DPP10: variants seen among roughly 807,000 people sequenced by gnomAD.
DPP10 encodes inactive dipeptidyl peptidase 10.
DPP10 carries 33 observed loss-of-function variants against 120.9 expected under a neutral mutation model. That is an observed-to-expected ratio of 0.27 (90% CI 0.21 to 0.37). The LOEUF is 0.37. DPP10 is among the 10% of genes least tolerant of loss of function. The probability of loss-of-function intolerance (pLI) is 1.00; values close to 1 mark genes in which losing one functional copy is unlikely to be tolerated. For synonymous variants in DPP10, 337 were observed against 326.1 expected, an observed-to-expected ratio of 1.03 and a Z score of -0.36; for missense variants, 816 against 942.8, an observed-to-expected ratio of 0.87 and a Z score of 1.76.
At chr2:115,573,504 G>A (rs1303597871) in intron 5 of DPP10, among the ~76,000 whole-genome samples, 5 of 150,908 alleles carry the variant, frequency 3.3e-5, no homozygotes, top group East Asian at 3.9e-4. Flanking sequence ...GGTTGGTCTC[G>A]ATCTCCTGAC....
chr2:114,722,749 C>A (rs764543451), intron 1 of DPP10, among the ~76,000 whole-genome samples: 3 of 132,808 alleles, frequency 2.3e-5, no homozygotes, highest in African/African-American at 8.7e-5. Context: ...GCACTCCAGC[C>A]TGGGAGACAG....
At chr2:115,621,699 G>A (rs1247773028) in intron 5 of DPP10, among the ~76,000 whole-genome samples, 1 of 152,236 alleles carries the variant, frequency 6.6e-6, no homozygotes. Flanking sequence ...GTTTGTTTGA[G>A]AGGGAGTTTC....
chr2:115,536,269 A>G (rs940935215), intron 5 of DPP10, among the ~76,000 whole-genome samples: 3 of 152,144 alleles, frequency 2.0e-5, no homozygotes, highest in East Asian at 3.9e-4. Context: ...TAAAAATAGT[A>G]TAACACAGTT....
At chr2:115,435,030 A>C (rs1364292491) in intron 3 of DPP10, among the ~76,000 whole-genome samples, 1 of 135,706 alleles carries the variant, frequency 7.4e-6, no homozygotes, top group Admixed American at 8.1e-5. Flanking sequence ...TGGCTGACTA[A>C]TATTTCTATA....
At chr2:114,517,411 T>TC (rs1684683122) in intron 1 of DPP10, among the ~76,000 whole-genome samples, 1 of 151,762 alleles carries the variant, frequency 6.6e-6, no homozygotes, top group South Asian at 2.1e-4. Flanking sequence ...TCCCAGCTAC[T>TC]CGGGAGGCTG....
chr2:115,244,235 TATATAGAGAG>T (rs1243867293), intron 1 of DPP10, among the ~76,000 whole-genome samples: 2,992 of 53,822 alleles, frequency 0.056, 44 homozygotes, highest in Middle Eastern at 0.16. Flanking sequence ...TATATATATA[TATATAGAGAG>T]AGAGAGAGAG....
At chr2:114,607,012 T>A (rs1372542768) in intron 1 of DPP10, among the ~76,000 whole-genome samples, 1 of 152,172 alleles carries the variant, frequency 6.6e-6, no homozygotes, top group Non-Finnish European at 1.5e-5. Context: ...ACTGACAGGA[T>A]GATGGAGACA....
intron 1 of DPP10, among the ~76,000 whole-genome samples, chr2:114,750,454 C>T (rs975780158): frequency 2.6e-5 from 4 of 152,094 alleles, no homozygotes; most frequent in Non-Finnish European, 5.9e-5. Context: ...CTGCCTCAGC[C>T]TCCCGAGTAG....
intron 1 of DPP10, among the ~76,000 whole-genome samples, chr2:114,958,107 G>A (rs558592535): frequency 6.6e-6 from 1 of 152,050 alleles, no homozygotes; most frequent in Non-Finnish European, 1.5e-5. Context: ...GTGCCTCATG[G>A]TCAGAACAAA....
At chr2:114,793,004 G>GTGTA (rs1318659567) in intron 1 of DPP10, among the ~76,000 whole-genome samples, 13 of 151,360 alleles carry the variant, frequency 8.6e-5, no homozygotes, top group African/African-American at 3.2e-4. Context: ...GTGTGTGTGT[G>GTGTA]TGTGTGTGTG....
At chr2:114,686,283 T>C (rs916482515) in intron 1 of DPP10, among the ~76,000 whole-genome samples, 1 of 151,946 alleles carries the variant, frequency 6.6e-6, no homozygotes. Flanking sequence ...ATAATAATAA[T>C]AGTAGCTACT....
intron 1 of DPP10, among the ~76,000 whole-genome samples, chr2:115,238,718 A>T (rs532763580): frequency 6.6e-6 from 1 of 152,366 alleles, no homozygotes; most frequent in South Asian, 2.1e-4. Flanking sequence ...AGTAAATACG[A>T]TGTGAACATT....
At chr2:114,718,417 A>AAAG (rs1220887982) in intron 1 of DPP10, among the ~76,000 whole-genome samples, 2 of 151,438 alleles carry the variant, frequency 1.3e-5, no homozygotes, top group Non-Finnish European at 2.9e-5. Flanking sequence ...AAAAAAAAAA[A>AAAG]AAAAAAAATT....
intron 1 of DPP10, among the ~76,000 whole-genome samples, chr2:114,677,650 A>G (rs530420023): frequency 1.3e-5 from 2 of 152,272 alleles, no homozygotes; most frequent in East Asian, 3.9e-4. Context: ...CAGCTGCTAA[A>G]TGATGGAGGC....
chr2:115,194,794 G>C (rs184974978), intron 1 of DPP10, among the ~76,000 whole-genome samples: 75 of 152,268 alleles, frequency 4.9e-4, no homozygotes, highest in Non-Finnish European at 7.2e-4. Flanking sequence ...ACATTTATGA[G>C]TGATGTTTAA....
chr2:115,500,004 T>G (rs1046578542), intron 4 of DPP10, among the ~76,000 whole-genome samples: 1 of 152,044 alleles, frequency 6.6e-6, no homozygotes, highest in Admixed American at 6.6e-5. Flanking sequence ...TGTTGTTTTC[T>G]GGATCAGATA....
chr2:115,615,384 G>A (rs1028604344), intron 5 of DPP10, among the ~76,000 whole-genome samples: 14 of 152,130 alleles, frequency 9.2e-5, no homozygotes, highest in African/African-American at 3.4e-4. Flanking sequence ...CCCCAAAATG[G>A]ATATTATTTG....
At chr2:115,788,699 A>ATATAAATTTCTTTTATATATAAATTG (rs1338242601) in intron 17 of DPP10, among the ~76,000 whole-genome samples, 1 of 152,224 alleles carries the variant, frequency 6.6e-6, no homozygotes, top group African/African-American at 2.4e-5. Context: ...GAGAAGAAAT[A>ATATAAATTTCTTTTATATATAAATTG]CAGTATATAA....
At chr2:115,419,952 G>T (rs2069788013) in intron 3 of DPP10, among the ~76,000 whole-genome samples, 1 of 152,086 alleles carries the variant, frequency 6.6e-6, no homozygotes. Context: ...CCTTGCAATT[G>T]TATATATCTG....
Sources: gnomAD v4.1 joint callset for allele counts (sites outside exome capture counted in the v4.1 genomes callset) on GRCh38, gnomAD v4.1.1 for gene constraint, MANE v1.5 for transcripts, NCBI Gene and HGNC (gene_info 2026-07-23, HGNC 2026-07-21) for gene names.